DYNC2H1: variants seen among roughly 807,000 people sequenced by gnomAD.
DYNC2H1 encodes the protein dynein cytoplasmic 2 heavy chain 1, also known as cytoplasmic dynein 2 heavy chain 1.
In DYNC2H1, 410 loss-of-function variants were observed where a neutral mutation model predicts 570.0. That is an observed-to-expected ratio of 0.72 (90% CI 0.66 to 0.78). The LOEUF (loss-of-function observed/expected upper bound fraction) is 0.78, where lower values mean the gene tolerates loss of function less well. DYNC2H1 is among the 30% of genes least tolerant of loss of function. The pLI is 0.00. For synonymous variants in DYNC2H1, 1,688 were observed against 1,677.6 expected, an observed-to-expected ratio of 1.01 and a Z score of -0.15; for missense variants, 4,865 against 5,046.4, an observed-to-expected ratio of 0.96 and a Z score of 1.09.
chr11:103,249,264 TTGTAAAGTCAAATGA>T lies in DYNC2H1; in HGVS notation c.10042+3892_10042+3906del. Reference sequence around the variant, plus strand: ...TTTATCAAAGTAGTACATGCATGGGTTGTAAAGTCAAATGATACAGAAGTGCAGCAGCATTCTGTT... The same window carrying T: ...TTTATCAAAGTAGTACATGCATGGGTTACAGAAGTGCAGCAGCATTCTGTT... On this transcript the variant is annotated intron_variant, in intron 65 of 88. Coordinates refer to ENST00000375735, the MANE Select transcript of DYNC2H1 (RefSeq NM_001377.3). The surrounding 1 kb of genome is among the most constrained non-coding windows in gnomAD (Gnocchi z 4.6). Among the ~76,000 whole-genome samples the T allele has an allele frequency of 6.6e-6, 1 of 152,096 alleles. No homozygotes were observed. The highest frequency in any genetic ancestry group is 2.4e-5 in the African/African-American group (1 of 41,536).
intron 6 of DYNC2H1, among the ~76,000 whole-genome samples, chr11:103,119,852 T>G (rs569421919): frequency 6.6e-6 from 1 of 152,326 alleles, no homozygotes; most frequent in South Asian, 2.1e-4. Context: ...TGCTAACAGG[T>G]AAATTTTTAG....
intron 87 of DYNC2H1, among the ~76,000 whole-genome samples, chr11:103,466,387 G>C (rs1359282004): frequency 6.6e-6 from 1 of 152,044 alleles, no homozygotes. Context: ...AGACACAAAA[G>C]AAGTAAAAGT....
chr11:103,164,173 C>T (rs1459902993), intron 30 of DYNC2H1, among the ~76,000 whole-genome samples: 1 of 151,822 alleles, frequency 6.6e-6, no homozygotes, highest in African/African-American at 2.4e-5. Context: ...GAATAAAAGA[C>T]ACAGTATACA....
chr11:103,207,787 G>A (rs1007983093), intron 52 of DYNC2H1, among the ~76,000 whole-genome samples: 2 of 152,134 alleles, frequency 1.3e-5, no homozygotes, highest in African/African-American at 4.8e-5. Context: ...CAGACCTTGA[G>A]TAGGTGGTGA....
chr11:103,115,874 C>A (rs1374717315), intron 4 of DYNC2H1, among the ~76,000 whole-genome samples: 2 of 152,162 alleles, frequency 1.3e-5, no homozygotes, highest in African/African-American at 4.8e-5. Flanking sequence ...TATCCATGCA[C>A]AGGTAATACG....
chr11:103,236,303 T>C, intron 62 of DYNC2H1, 127 bp from the exon 63 acceptor site: 1 of 627,198 alleles, frequency 1.6e-6, no homozygotes, highest in Non-Finnish European at 2.8e-6. Flanking sequence ...GGGTGTTAAA[T>C]GTGGAAGAAT....
chr11:103,354,302 T>C (rs530577046), intron 82 of DYNC2H1, among the ~76,000 whole-genome samples: 1 of 152,030 alleles, frequency 6.6e-6, no homozygotes, highest in East Asian at 1.9e-4. Flanking sequence ...TTCCCCTTTT[T>C]AAAAAAATTC....
chr11:103,190,476 G>A (rs953277652), intron 45 of DYNC2H1, among the ~76,000 whole-genome samples: 3 of 152,242 alleles, frequency 2.0e-5, no homozygotes, highest in Middle Eastern at 3.4e-3. Flanking sequence ...TAACTTTGTT[G>A]TATATGGTAG....
At chr11:103,332,405 A>G (rs1938861622) in intron 82 of DYNC2H1, among the ~76,000 whole-genome samples, 1 of 152,084 alleles carries the variant, frequency 6.6e-6, no homozygotes. Flanking sequence ...TCACAAATCC[A>G]CAAAGCTTAA....
intron 67 of DYNC2H1, 98 bp downstream of exon 67, chr11:103,255,632 T>G (rs746423712): frequency 3.0e-6 from 4 of 1,325,698 alleles, no homozygotes; most frequent in Non-Finnish European, 4.0e-6. Context: ...CTTCAGATTT[T>G]TTTTTCCAAA....
intron 20 of DYNC2H1, among the ~76,000 whole-genome samples, chr11:103,150,345 A>G (rs898815562): frequency 2.6e-5 from 2 of 77,896 alleles, no homozygotes; most frequent in African/African-American, 3.4e-5. Flanking sequence ...TTACAATATG[A>G]TAGACAAGAG....
chr11:103,153,579 CT>C, intron 22 of DYNC2H1, 71 bp downstream of exon 22: 1 of 1,306,092 alleles, frequency 7.7e-7, no homozygotes, highest in Non-Finnish European at 1.1e-6. Flanking sequence ...TAGTAATTTT[CT>C]TATGTCTGTT....
rs775260746 is a variant in DYNC2H1 at position 103,395,217 on chromosome 11, G to A, written c.12157-4446G>A. 2.4e-4 allele frequency among the ~76,000 whole-genome samples: 36 copies of A among 152,168 alleles called. No homozygotes were observed. Among genetic ancestry groups the A allele is most frequent in the Non-Finnish European group, 4.4e-4 (30 of 68,004 alleles). On this transcript the variant is annotated intron_variant, in intron 83 of 88. Transcript: ENST00000375735. This position sits in a 1 kb window ranked among gnomAD's most constrained non-coding sequence, Gnocchi z 4.3. ...GAAAACTCAGCTCAAACTGACTTAT[G>A]TGAAAAATGGAAATGTATGGTGTAT...
Position 103,164,253 on chromosome 11 carries a change from T to A in DYNC2H1, c.4611+1106T>A, listed in dbSNP as rs569799770. 2.6e-4 allele frequency among the ~76,000 whole-genome samples: 39 copies of A among 152,256 alleles called. No individual in the cohort carries two copies. The South Asian group carries it at 4.4e-3, about 17-fold the overall frequency. Reference sequence around the variant, plus strand: ...ATGACAATTGTGTTGGGAGATATAGTGGGAGGTAATAGGCTAGAGAAAGTT... The same window carrying A: ...ATGACAATTGTGTTGGGAGATATAGAGGGAGGTAATAGGCTAGAGAAAGTT... On this transcript the variant is annotated intron_variant, in intron 30 of 88. Transcript: ENST00000375735.
chr11:103,399,138 G>GTTTTTTTT lies in DYNC2H1; in HGVS notation c.12157-522_12157-515dup, dbSNP rs34549261. 7.2e-4 allele frequency among the ~76,000 whole-genome samples: 82 copies of GTTTTTTTT among 113,890 alleles called. 5 individuals carry two copies. Among genetic ancestry groups the GTTTTTTTT allele is most frequent in the African/African-American group, 8.8e-4 (23 of 26,234 alleles). The allele number at this position is 113,890 out of a possible 152,430, so 74.7% of individuals were successfully genotyped here. A position where few individuals can be genotyped will look rare whatever the true frequency, so the allele number is the denominator to read the frequency against. ...GTTCTTAATTCTCATTTCCCACACCGTTTTTTTTTTGTTTTTTTTTTTGAG... is the reference window on the plus strand; with the variant it reads ...GTTCTTAATTCTCATTTCCCACACCGTTTTTTTTTTTTTTTTTTGTTTTTTTTTTTGAG... On this transcript the variant is annotated intron_variant, in intron 83 of 88. Transcript: ENST00000375735.
chr11:103,324,301 T>C lies in DYNC2H1; in HGVS notation c.12039+311T>C, dbSNP rs1353013529. On this transcript the variant is annotated intron_variant, in intron 82 of 88. Transcript: ENST00000375735. The surrounding 1 kb of genome is among the most constrained non-coding windows in gnomAD (Gnocchi z 5.2). Reference sequence around the variant, plus strand: ...AATAAGTATAGTGCCCAACAGGTAATTTTTCGATCCTCCCTCTCCTCTCAC... The same window carrying C: ...AATAAGTATAGTGCCCAACAGGTAACTTTTCGATCCTCCCTCTCCTCTCAC... 6.6e-6 allele frequency among the ~76,000 whole-genome samples: 1 copy of C among 152,118 alleles called. No individual in the cohort carries two copies. Among genetic ancestry groups the C allele is most frequent in the Admixed American group, 6.5e-5 (1 of 15,272 alleles).
At chr11:103,404,744 C>T (rs1942788570) in intron 84 of DYNC2H1, 2 of 151,590 alleles carry the variant, frequency 1.3e-5, no homozygotes, top group African/African-American at 2.4e-5. Flanking sequence ...TAATATGTGT[C>T]ATGTAAGATA....
intron 37 of DYNC2H1, 45 bp downstream of exon 37, chr11:103,176,479 G>T: frequency 1.5e-6 from 2 of 1,341,580 alleles, no homozygotes; most frequent in Non-Finnish European, 1.9e-6. Context: ...CCTTTTCCTA[G>T]TTGATTCCTT....
intron 83 of DYNC2H1, among the ~76,000 whole-genome samples, chr11:103,366,174 CT>C (rs1160157762): frequency 6.6e-6 from 1 of 152,104 alleles, no homozygotes; most frequent in African/African-American, 2.4e-5. Context: ...TCCTTAATGT[CT>C]TGTTGGATTG....
Sources: allele counts gnomAD v4.1 joint callset (sites outside exome capture counted in the v4.1 genomes callset), GRCh38; gene constraint gnomAD v4.1.1; non-coding constraint Gnocchi (gnomAD v3.1); transcripts MANE v1.5; gene names NCBI Gene and HGNC (gene_info 2026-07-23, HGNC 2026-07-21).